CBR4: variants seen among roughly 807,000 people sequenced by gnomAD.
The protein encoded by CBR4 is carbonyl reductase 4.
In CBR4, 22 loss-of-function variants were observed where a neutral mutation model predicts 21.0. The ratio of observed to expected loss-of-function variants is 1.05; its 90% CI spans 0.75 to 1.50. The LOEUF is 1.50. CBR4 is among the 40% of genes most tolerant of loss of function. The pLI is 0.00. For missense variants in CBR4, 302 were observed against 286.3 expected, an observed-to-expected ratio of 1.05 and a Z score of -0.40; for synonymous variants, 100 against 104.4, an observed-to-expected ratio of 0.96 and a Z score of 0.26.
intron 1 of CBR4, among the ~76,000 whole-genome samples, chr4:169,008,275 A>G (rs570364370): frequency 2.0e-4 from 30 of 152,268 alleles, no homozygotes; most frequent in Non-Finnish European, 3.4e-4. Flanking sequence ...GAGAGATGAG[A>G]CAACACAGGA....
In CBR4 at chr4:168,907,529, C is replaced by T. The variant is rs144190349; in HGVS notation, n.170-12764G>A. Reference sequence around the variant, plus strand: ...GAGGAGCTGTGAGCTAGAGGACGGCCACACCCATAGCACAGCTGACATCAG... The same window carrying T: ...GAGGAGCTGTGAGCTAGAGGACGGCTACACCCATAGCACAGCTGACATCAG... On this transcript the variant is annotated intron_variant and non_coding_transcript_variant, in intron 2 of 3. Coordinates refer to the CBR4 transcript ENST00000509108. Among the ~76,000 whole-genome samples the T allele has an allele frequency of 4.6e-3, 706 of 152,250 alleles. 5 individuals carry two copies. The highest frequency in any genetic ancestry group is 0.024 in the Middle Eastern group (7 of 294).
chr4:168,903,966 A>T (rs1422324454), intron 2 of CBR4: 2 of 1,448,410 alleles, frequency 1.4e-6, no homozygotes, highest in East Asian at 4.5e-5. Context: ...GCATTTGATT[A>T]GACAAAGGAA....
Position 168,925,005 on chromosome 4 carries a change from T to C in CBR4, n.170-30240A>G, listed in dbSNP as rs1351812733. 2.5e-6 allele frequency: 4 copies of C among 1,614,020 alleles called. No individual in the cohort carries two copies. The highest frequency in any genetic ancestry group is 2.5e-6 in the Non-Finnish European group (3 of 1,179,990). On this transcript the variant is annotated intron_variant and non_coding_transcript_variant, in intron 2 of 3. Transcript: ENST00000509108. ...TCATTCAGGGAGCCACAAAAGAAGA[T>C]GCTGGGTGGTATACTGTGTCAGCCA...
At chr4:168,944,522 G>T (rs1445544824) in intron 2 of CBR4, among the ~76,000 whole-genome samples, 1 of 151,628 alleles carries the variant, frequency 6.6e-6, no homozygotes, top group Non-Finnish European at 1.5e-5. Flanking sequence ...GAAAAGAAAA[G>T]AAAAAAGTTT....
intron 2 of CBR4, among the ~76,000 whole-genome samples, chr4:168,938,276 A>C (rs978838765): frequency 6.6e-6 from 1 of 152,238 alleles, no homozygotes; most frequent in Non-Finnish European, 1.5e-5. Context: ...GAGAACAAAG[A>C]CACAATGTAC....
intron 2 of CBR4, chr4:168,925,145 CA>C: frequency 6.3e-7 from 1 of 1,586,992 alleles, no homozygotes. Flanking sequence ...GACATCTGGA[CA>C]GCAAATCACA....
chr4:168,998,030 T>C (rs1186465726), intron 4 of CBR4, among the ~76,000 whole-genome samples: 2 of 152,194 alleles, frequency 1.3e-5, no homozygotes, highest in Non-Finnish European at 2.9e-5. Context: ...TAAGAACACT[T>C]AGAATATCTT....
At chr4:168,914,049 G>A (rs375842521) in intron 2 of CBR4, 42 of 1,306,066 alleles carry the variant, frequency 3.2e-5, no homozygotes, top group Middle Eastern at 3.7e-4. Context: ...TCCCAGAAGT[G>A]TTACATTATT....
At chr4:168,971,665 GA>G (rs952627854) in intron 2 of CBR4, among the ~76,000 whole-genome samples, 6 of 151,962 alleles carry the variant, frequency 3.9e-5, no homozygotes, top group African/African-American at 1.2e-4. Flanking sequence ...TTTTCTTGCT[GA>G]TTTGAGTTCC....
chr4:168,943,197 G>T (rs911302549), intron 2 of CBR4, among the ~76,000 whole-genome samples: 3 of 152,268 alleles, frequency 2.0e-5, no homozygotes, highest in African/African-American at 7.2e-5. Flanking sequence ...AGGCCTGAAG[G>T]TCAAACTACA....
rs958924651 is a variant in CBR4 at position 168,901,879 on chromosome 4, A to G, written n.170-7114T>C. ...ATCTAAAAAAAGAAAGTCAACTACT[A>G]AAAAGTAAAATAATTATGAAGTATG... On this transcript the variant is annotated intron_variant and non_coding_transcript_variant, in intron 2 of 3. Transcript: ENST00000509108. Among the ~76,000 whole-genome samples the G allele has an allele frequency of 3.3e-5, 5 of 152,340 alleles. No homozygotes were observed. The East Asian group carries it at 9.6e-4, about 29-fold the overall frequency.
intron 4 of CBR4, among the ~76,000 whole-genome samples, chr4:169,000,777 G>T (rs548500170): frequency 2.0e-4 from 30 of 152,150 alleles, no homozygotes; most frequent in Admixed American, 1.8e-3. Context: ...ATATATTTTT[G>T]AGTTTTAGCA....
rs867627257 is a variant in CBR4 at position 168,987,998 on chromosome 4, A to G, written c.*2152T>C. ...CACAGAACCCTTATGGGCTCATAGG[A>G]GTCAGCAAACAGCTACAGATGAGTC... On this transcript the variant is annotated 3_prime_UTR_variant, in exon 5 of 5. Coordinates refer to ENST00000306193, the MANE Select transcript of CBR4 (RefSeq NM_032783.5). The G allele has an allele frequency of 4.2e-5, 41 of 985,336 alleles. 2 individuals are homozygous for G. In the Admixed American group the frequency reaches 1.9e-3, roughly 46 times the overall value. 61.0% of individuals were successfully genotyped at this position (985,336 alleles called of 1,614,324 possible).
chr4:168,926,535 T>C (rs781226593), intron 2 of CBR4: 8 of 597,522 alleles, frequency 1.3e-5, no homozygotes, highest in Non-Finnish European at 2.0e-5. Flanking sequence ...TTACTTGATA[T>C]ACCAAACTTA....
At chr4:168,914,803 A>T (rs1331504958) in intron 2 of CBR4, among the ~76,000 whole-genome samples, 1 of 152,214 alleles carries the variant, frequency 6.6e-6, no homozygotes, top group Non-Finnish European at 1.5e-5. Context: ...GCTCACAGAG[A>T]GTAGGCAGGA....
At chr4:168,921,810 TAC>T (rs1761563017) in intron 2 of CBR4, 2 of 1,200,458 alleles carry the variant, frequency 1.7e-6, no homozygotes, top group African/African-American at 3.0e-5. Flanking sequence ...AAACTAATTC[TAC>T]ATTACTAACC....
chr4:168,897,310 T>C (rs1040246789), intron 2 of CBR4, among the ~76,000 whole-genome samples: 3 of 152,256 alleles, frequency 2.0e-5, no homozygotes, highest in African/African-American at 7.2e-5. Context: ...GTTTTATTCA[T>C]ACTGTTGTAT....
At chr4:168,903,302 G>T (rs1756941582) in intron 2 of CBR4, among the ~76,000 whole-genome samples, 1 of 152,008 alleles carries the variant, frequency 6.6e-6, no homozygotes, top group African/African-American at 2.4e-5. Flanking sequence ...ATTAGAGTTT[G>T]GGGTCTGCTT....
intron 2 of CBR4, among the ~76,000 whole-genome samples, chr4:168,914,760 G>A (rs1759756536): frequency 6.6e-6 from 1 of 152,184 alleles, no homozygotes; most frequent in African/African-American, 2.4e-5. Flanking sequence ...GGCCATAGGT[G>A]CAAACTCCTT....
Sources: gnomAD v4.1 joint callset for allele counts (sites outside exome capture counted in the v4.1 genomes callset) on GRCh38, gnomAD v4.1.1 for gene constraint, MANE v1.5 for transcripts, NCBI Gene and HGNC (gene_info 2026-07-23, HGNC 2026-07-21) for gene names.